The following MARCHF6 variants were observed in gnomAD, a reference collection of about 807,000 sequenced individuals.
MARCHF6 encodes E3 ubiquitin-protein ligase MARCHF6.
In MARCHF6, 31 loss-of-function variants were observed where a neutral mutation model predicts 133.7. The ratio of observed to expected loss-of-function variants is 0.23; its 90% CI spans 0.17 to 0.31. The LOEUF is 0.31. Among genes scored for constraint, MARCHF6 ranks in the 10% least tolerant of loss-of-function variants. MARCHF6 has a pLI of 1.00. For missense variants in MARCHF6, 723 were observed against 1,121.6 expected (o/e 0.64, Z 5.08); for synonymous variants, 395 against 402.5 (o/e 0.98, Z 0.22).
At chr5:10,380,128 C>G (rs1415780129) in intron 3 of MARCHF6, among the ~76,000 whole-genome samples, 2 of 150,810 alleles carry the variant, frequency 1.3e-5, no homozygotes, top group Non-Finnish European at 2.9e-5. Context: ...ATATTGCCTT[C>G]CCTTACAAAG....
rs1325898764 is a variant in MARCHF6 at position 10,410,129 on chromosome 5, C to T, written c.1554-10C>T. On this transcript the variant is annotated splice_polypyrimidine_tract_variant and intron_variant, in intron 17 of 25. Coordinates refer to ENST00000274140, the MANE Select transcript of MARCHF6 (RefSeq NM_005885.4). ...AATACAATTCACATTATAAATCCTG[C>T]CTCTTTCAGTGATGCTCCAGTGAGT... 4.3e-6 allele frequency: 7 copies of T among 1,613,092 alleles called. No individual in the cohort carries two copies. Among genetic ancestry groups the T allele is most frequent in the Middle Eastern group, 1.7e-4 (1 of 5,966 alleles).
intron 1 of MARCHF6, among the ~76,000 whole-genome samples, chr5:10,373,641 G>A (rs942893722): frequency 5.3e-5 from 8 of 152,106 alleles, no homozygotes; most frequent in African/African-American, 1.7e-4. Context: ...TGGCCGACCC[G>A]TCACGATGTT....
intron 1 of MARCHF6, among the ~76,000 whole-genome samples, chr5:10,360,339 G>A (rs1182392432): frequency 6.6e-6 from 1 of 151,650 alleles, no homozygotes; most frequent in African/African-American, 2.4e-5. Context: ...CGTAGAGATG[G>A]GGTTTCATCA....
At chr5:10,390,938 C>A (rs1737794771) in intron 6 of MARCHF6, among the ~76,000 whole-genome samples, 2 of 152,256 alleles carry the variant, frequency 1.3e-5, no homozygotes, top group South Asian at 4.1e-4. Context: ...GATTTGTTAA[C>A]CATTTTCTAT....
intron 1 of MARCHF6, among the ~76,000 whole-genome samples, chr5:10,369,612 C>CCA (rs1554019320): frequency 3.4e-5 from 1 of 29,046 alleles, no homozygotes; most frequent in African/African-American, 7.6e-5. Context: ...TACCCCCCCC[C>CCA]CCCCTTGCAA....
intron 1 of MARCHF6, chr5:10,354,138 C>CGGGCAG (rs1425560775): frequency 5.9e-6 from 2 of 339,836 alleles, no homozygotes; most frequent in Non-Finnish European, 1.0e-5. Context: ...GGGACCCTGC[C>CGGGCAG]GGGCAGGGGC....
In MARCHF6 at chr5:10,353,933, GCGGCGCCCGAGCCCTTGCGT is replaced by G. The variant is rs758775996; in HGVS notation, c.19+26_19+45del. On this transcript the variant is annotated intron_variant, in intron 1 of 25. Transcript: ENST00000274140. ...GCGGAGGAAGGTAAGTCGGCGACGC[GCGGCGCCCGAGCCCTTGCGT>G]CGGCGCCCGGGTTCGTACCCCGGCC... 1.3e-6 allele frequency: 2 copies of G among 1,549,192 alleles called. No individual in the cohort carries two copies. Among genetic ancestry groups the G allele is most frequent in the Non-Finnish European group, 1.7e-6 (2 of 1,152,634 alleles).
At chr5:10,366,952 G>A (rs1438922833) in intron 1 of MARCHF6, among the ~76,000 whole-genome samples, 2 of 152,000 alleles carry the variant, frequency 1.3e-5, no homozygotes, top group Non-Finnish European at 2.9e-5. Context: ...TCAGTCTTTC[G>A]GCCTCCAACA....
intron 3 of MARCHF6, among the ~76,000 whole-genome samples, chr5:10,379,522 G>T (rs917094699): frequency 1.3e-5 from 2 of 151,510 alleles, no homozygotes; most frequent in African/African-American, 4.9e-5. Flanking sequence ...GGGCAATGGC[G>T]TGATTTCAGC....
At chr5:10,428,814 A>G (rs1209155833) in intron 24 of MARCHF6, among the ~76,000 whole-genome samples, 16 of 152,094 alleles carry the variant, frequency 1.1e-4, no homozygotes, top group Admixed American at 1.0e-3. Flanking sequence ...TGGATTTCCA[A>G]CCCAGTCATT....
intron 3 of MARCHF6, among the ~76,000 whole-genome samples, chr5:10,379,132 A>G (rs1736973809): frequency 6.6e-6 from 1 of 152,108 alleles, no homozygotes; most frequent in African/African-American, 2.4e-5. Flanking sequence ...GCAAAAATCT[A>G]ACAAGTCCAC....
At chr5:10,414,325 C>G (rs765657288) in intron 19 of MARCHF6, 108 bp from the exon 20 acceptor site, 1 of 659,728 alleles carries the variant, frequency 1.5e-6, no homozygotes, top group Admixed American at 2.9e-5. Flanking sequence ...AACCTGGCAA[C>G]GCAAATATAG....
In MARCHF6 at chr5:10,438,993, A is replaced by G. The variant is rs1422029027; in HGVS notation, c.*5309A>G. On this transcript the variant is annotated 3_prime_UTR_variant, in exon 26 of 26. Transcript: ENST00000274140. Reference sequence around the variant, plus strand: ...TTTTGAAACTTTTCTTCACATATGTAACAGTGCCGGAGTTTTTCTGCTTCT... The same window carrying G: ...TTTTGAAACTTTTCTTCACATATGTGACAGTGCCGGAGTTTTTCTGCTTCT... 6.6e-6 allele frequency: 1 copy of G among 152,218 alleles called. No homozygotes were observed. The highest frequency in any genetic ancestry group is 1.5e-5 in the Non-Finnish European group (1 of 68,046). 9.4% of individuals were successfully genotyped at this position (152,218 alleles called of 1,614,324 possible). A position where few individuals can be genotyped will look rare whatever the true frequency, so the allele number is the denominator to read the frequency against.
rs890611900 is a variant in MARCHF6, at chr5:10,393,140, A to T, written c.767-942A>T. Among the ~76,000 whole-genome samples the T allele has an allele frequency of 6.6e-5, 10 of 152,192 alleles. No homozygotes were observed. The East Asian group carries it at 1.9e-3, about 29-fold the overall frequency. ...GAGTACAGTGGCAGGAACACAGCTC[A>T]CTGCAGCCTTGACCTTTTGGGCTCA... On this transcript the variant is annotated intron_variant, in intron 7 of 25. Coordinates refer to ENST00000274140, the MANE Select transcript of MARCHF6 (RefSeq NM_005885.4).
chr5:10,429,643 C>T (rs1184573108), intron 24 of MARCHF6, among the ~76,000 whole-genome samples: 1 of 152,080 alleles, frequency 6.6e-6, no homozygotes, highest in African/African-American at 2.4e-5. Flanking sequence ...TCAAGTGATC[C>T]GCCCGCCTTG....
intron 24 of MARCHF6, 90 bp downstream of exon 24, chr5:10,426,612 C>T (rs1740100708): frequency 3.0e-6 from 4 of 1,331,958 alleles, no homozygotes; most frequent in Non-Finnish European, 4.1e-6. Flanking sequence ...TGTCTCACTC[C>T]ATATGCTTTA....
At chr5:10,360,864 C>A (rs1470442477) in intron 1 of MARCHF6, among the ~76,000 whole-genome samples, 2 of 152,132 alleles carry the variant, frequency 1.3e-5, no homozygotes, top group Non-Finnish European at 2.9e-5. Context: ...AGACTGAAGC[C>A]CTGTGAGTGA....
intron 10 of MARCHF6, 44 bp downstream of exon 10, chr5:10,397,388 G>A (rs372156399): frequency 2.8e-6 from 4 of 1,435,464 alleles, no homozygotes; most frequent in Non-Finnish European, 2.8e-6. Flanking sequence ...ATTATGGTAG[G>A]AATTTAGTTT....
chr5:10,438,978 T>G lies in MARCHF6; in HGVS notation c.*5294T>G, dbSNP rs76814836. ...ATTGTTTAGTTATCATTTTGAAACT[T>G]TTCTTCACATATGTAACAGTGCCGG... On this transcript the variant is annotated 3_prime_UTR_variant, in exon 26 of 26. Transcript: ENST00000274140. 6.6e-6 allele frequency: 1 copy of G among 152,234 alleles called. No individual in the cohort carries two copies. Among genetic ancestry groups the G allele is most frequent in the East Asian group, 1.9e-4 (1 of 5,204 alleles). 9.4% of individuals were successfully genotyped at this position (152,234 alleles called of 1,614,324 possible).
Sources: allele counts gnomAD v4.1 joint callset (sites outside exome capture counted in the v4.1 genomes callset), GRCh38; gene constraint gnomAD v4.1.1; transcripts MANE v1.5; gene names NCBI Gene and HGNC (gene_info 2026-07-23, HGNC 2026-07-21).